The following JCAD variants were observed in gnomAD, a reference collection of about 807,000 sequenced individuals.
JCAD encodes junctional cadherin 5-associated protein.
In JCAD, 40 loss-of-function variants were observed where a neutral mutation model predicts 98.0. The ratio of observed to expected loss-of-function variants is 0.41; its 90% CI spans 0.32 to 0.53. The LOEUF (loss-of-function observed/expected upper bound fraction) is 0.53. Ranked by LOEUF, JCAD falls within the 20% of genes least tolerant of loss-of-function variation. JCAD has a pLI of 0.31. For synonymous variants in JCAD, 691 were observed against 682.3 expected (o/e 1.01, Z -0.20); for missense variants, 1,705 against 1,738.1 (o/e 0.98, Z 0.34).
intron 3 of JCAD, among the ~76,000 whole-genome samples, chr10:30,024,324 T>G (rs77023190): frequency 6.6e-6 from 1 of 152,180 alleles, no homozygotes; most frequent in Non-Finnish European, 1.5e-5. Context: ...TCATCCTGAT[T>G]TTATAGATGA....
chr10:30,091,018 G>A (rs923051676), intron 1 of JCAD, among the ~76,000 whole-genome samples: 1 of 152,148 alleles, frequency 6.6e-6, no homozygotes, highest in East Asian at 1.9e-4. Flanking sequence ...AGGTGCACAC[G>A]CTGGTCGTCA....
Position 30,029,151 on chromosome 10 carries a change from G to C in JCAD, c.997C>G (p.Pro333Ala). 1 of 1,614,170 alleles carries C rather than the reference G, an allele frequency of 6.2e-7. No homozygotes were observed. Among genetic ancestry groups the C allele is most frequent in the African/African-American group, 1.3e-5 (1 of 75,050 alleles). Residue 333 changes from proline (P) to alanine (A), a missense_variant, in exon 3 of 4, where the codon CCT becomes GCT. This residue lies in a region of JCAD where 275 missense variants were observed against 346.9 expected (regional missense o/e 0.79). Coordinates refer to ENST00000375377, the MANE Select transcript of JCAD (RefSeq NM_020848.4). ...VPRHELCLSD[P>A]GLEPPVYVPP... is the part of the protein sequence containing the mutation. Reference sequence around the variant, plus strand: ...ACGTACACTGGAGGTTCCAATCCAGGGTCTGACAGGCAGAGCTCATGCCTG... The same window carrying C: ...ACGTACACTGGAGGTTCCAATCCAGCGTCTGACAGGCAGAGCTCATGCCTG...
At chr10:30,093,153 G>A (rs1250364729) in intron 1 of JCAD, among the ~76,000 whole-genome samples, 2 of 152,142 alleles carry the variant, frequency 1.3e-5, no homozygotes, top group Non-Finnish European at 2.9e-5. Flanking sequence ...GTCTACCAAT[G>A]TGTTTTCTAA....
chr10:30,039,204 C>G (rs550438717), intron 2 of JCAD, among the ~76,000 whole-genome samples: 1 of 152,348 alleles, frequency 6.6e-6, no homozygotes, highest in Admixed American at 6.5e-5. Context: ...GACCCTGTCC[C>G]TCCACATCAA....
intron 1 of JCAD, among the ~76,000 whole-genome samples, chr10:30,113,591 G>T (rs1838743983): frequency 2.3e-5 from 3 of 131,320 alleles, no homozygotes; most frequent in African/African-American, 5.9e-5. Flanking sequence ...TCCCAGCAGA[G>T]AAGAAGGAAG....
chr10:30,017,953 T>C (rs962590568), intron 3 of JCAD, 36 bp from the exon 4 acceptor site: 13 of 1,509,800 alleles, frequency 8.6e-6, no homozygotes, highest in Non-Finnish European at 1.2e-5. Context: ...ATTAGTGTTA[T>C]ATTCAACTGC....
rs1836883255 is a variant in JCAD, at chr10:30,028,224, C to T, written c.1924G>A (p.Gly642Ser). The change falls in exon 3 of 4, where the codon GGT (glycine) becomes AGT (serine). Residue 642 changes from glycine (G) to serine (S), a missense_variant. Around this residue, in one of 3 missense-constraint regions of JCAD, gnomAD observed 1,278 missense variants for 1,243.1 expected, o/e 1.03. Coordinates refer to ENST00000375377, the MANE Select transcript of JCAD (RefSeq NM_020848.4). ...TGTTTTTGGAACTCCGTTCTCCCAC[C>T]CATGCTTCCTGTGAGGGCCTGCAGC... ...LELQALTGSM[G>S]GRTEFQKQDL... 1 of 1,614,062 alleles carries T rather than the reference C, an allele frequency of 6.2e-7. No individual in the cohort carries two copies. The highest frequency in any genetic ancestry group is 1.3e-5 in the African/African-American group (1 of 74,910).
At chr10:30,031,791 G>A (rs1277352220) in intron 2 of JCAD, among the ~76,000 whole-genome samples, 7 of 90,050 alleles carry the variant, frequency 7.8e-5, no homozygotes, top group Admixed American at 1.5e-4. Flanking sequence ...GTCTTGCTCT[G>A]TCGCCCAGGC....
intron 2 of JCAD, among the ~76,000 whole-genome samples, chr10:30,067,833 T>C (rs549845235): frequency 1.3e-5 from 2 of 152,296 alleles, no homozygotes; most frequent in South Asian, 2.1e-4. Context: ...CTAGAGTGCA[T>C]GTACACAAAC....
chr10:30,090,991 T>A (rs1159226564), intron 1 of JCAD, among the ~76,000 whole-genome samples: 2 of 152,188 alleles, frequency 1.3e-5, no homozygotes, highest in East Asian at 3.9e-4. Context: ...CCAGGCCCAC[T>A]GACTTACTCA....
At chr10:30,034,905 A>T (rs1837079161) in intron 2 of JCAD, among the ~76,000 whole-genome samples, 2 of 152,128 alleles carry the variant, frequency 1.3e-5, no homozygotes, top group South Asian at 4.1e-4. Context: ...CATCAGAAAC[A>T]ATCTACCCTC....
chr10:30,046,048 GTGTT>G (rs909796729), intron 2 of JCAD, among the ~76,000 whole-genome samples: 100 of 152,296 alleles, frequency 6.6e-4, no homozygotes, highest in African/African-American at 2.3e-3. Context: ...CCTGTTTTGT[GTGTT>G]TGTTTGTTTT....
chr10:30,027,197 T>G lies in JCAD; in HGVS notation c.2951A>C (p.Asp984Ala), dbSNP rs369452639. ...ATAGGACGCGGGCAGTGGTTTTGCG[T>G]CACTTGATCTTGAAGACATTCTCGT... ...PVTRMSSRSS[D>A]AKPLPASYPA... The change falls in exon 3 of 4, where the codon GAC (aspartate) becomes GCC (alanine). Residue 984 changes from aspartate to alanine, a missense_variant. Around this residue, in one of 3 missense-constraint regions of JCAD, gnomAD observed 1,278 missense variants for 1,243.1 expected, o/e 1.03. Transcript: ENST00000375377. 6 of 1,614,068 alleles carry G rather than the reference T, an allele frequency of 3.7e-6. No individual in the cohort carries two copies. Among genetic ancestry groups the G allele is most frequent in the Non-Finnish European group, 4.2e-6 (5 of 1,180,022 alleles).
chr10:30,093,364 C>G (rs764241973), intron 1 of JCAD, among the ~76,000 whole-genome samples: 4 of 152,322 alleles, frequency 2.6e-5, no homozygotes, highest in African/African-American at 9.6e-5. Flanking sequence ...TCCACATATT[C>G]GTGTTGCTTA....
At chr10:30,090,585 G>A (rs983788937) in intron 1 of JCAD, among the ~76,000 whole-genome samples, 5 of 150,152 alleles carry the variant, frequency 3.3e-5, no homozygotes, top group Non-Finnish European at 5.9e-5. Flanking sequence ...GAGGGGAGGG[G>A]AGGGGAAAGG....
chr10:30,084,350 A>C (rs1458106640), intron 1 of JCAD, among the ~76,000 whole-genome samples: 1 of 152,240 alleles, frequency 6.6e-6, no homozygotes, highest in Admixed American at 6.5e-5. Flanking sequence ...GATTAATTTT[A>C]TGTGTCAGCT....
At chr10:30,057,733 G>A (rs991784303) in intron 1 of JCAD, among the ~76,000 whole-genome samples, 3 of 152,170 alleles carry the variant, frequency 2.0e-5, no homozygotes, top group Admixed American at 6.5e-5. Flanking sequence ...CACTCCAGGC[G>A]GAGTAACAGT....
At chr10:30,084,172 G>A (rs1048052641) in intron 1 of JCAD, among the ~76,000 whole-genome samples, 1 of 151,110 alleles carries the variant, frequency 6.6e-6, no homozygotes, top group African/African-American at 2.4e-5. Flanking sequence ...AAGGAGGAAG[G>A]AGGAAGGAAG....
At chr10:30,089,492 G>A (rs1256942058) in intron 1 of JCAD, among the ~76,000 whole-genome samples, 1 of 150,034 alleles carries the variant, frequency 6.7e-6, no homozygotes, top group African/African-American at 2.5e-5. Context: ...GATAGAGAGT[G>A]TGAAATGTGG....
Sources: allele counts gnomAD v4.1 joint callset (sites outside exome capture counted in the v4.1 genomes callset), GRCh38; gene constraint gnomAD v4.1.1; regional missense constraint gnomAD v4.1.1; transcripts MANE v1.5; gene names NCBI Gene and HGNC (gene_info 2026-07-23, HGNC 2026-07-21).